Variants in MDGA2 observed in about 807,000 individuals in gnomAD.
MDGA2 encodes MAM domain containing glycosylphosphatidylinositol anchor 2.
MDGA2 carries 40 observed loss-of-function variants against 117.8 expected under a neutral mutation model. The ratio of observed to expected loss-of-function variants is 0.34; its 90% confidence interval spans 0.26 to 0.44. The LOEUF is 0.44. Ranked by LOEUF, MDGA2 falls within the 20% of genes least tolerant of loss-of-function variation. The pLI is 1.00. For missense variants in MDGA2, 1,123 were observed against 1,250.6 expected (o/e 0.90, Z 1.54); for synonymous variants, 452 against 439.0 (o/e 1.03, Z -0.37).
chr14:46,979,525 A>G (rs904106382), intron 8 of MDGA2, among the ~76,000 whole-genome samples: 2 of 152,184 alleles, frequency 1.3e-5, no homozygotes, highest in African/African-American at 2.4e-5. Context: ...GAAAGCAAAG[A>G]AAAAGTTCAT....
intron 1 of MDGA2, among the ~76,000 whole-genome samples, chr14:47,399,696 T>C (rs1319536525): frequency 6.6e-6 from 1 of 152,154 alleles, no homozygotes; most frequent in Non-Finnish European, 1.5e-5. Context: ...TGCTCAATAA[T>C]TGATTTTTTA....
At chr14:47,600,671 T>A (rs908944637) in intron 1 of MDGA2, among the ~76,000 whole-genome samples, 1 of 151,352 alleles carries the variant, frequency 6.6e-6, no homozygotes, top group Non-Finnish European at 1.5e-5. Flanking sequence ...CCAACCTCAG[T>A]CATCCTTGTC....
intron 8 of MDGA2, among the ~76,000 whole-genome samples, chr14:47,030,326 C>G (rs1367920134): frequency 6.6e-6 from 1 of 151,846 alleles, no homozygotes; most frequent in Non-Finnish European, 1.5e-5. Flanking sequence ...ACTAGCCTGA[C>G]CAAAATGGAG....
intron 1 of MDGA2, among the ~76,000 whole-genome samples, chr14:47,591,766 A>T (rs1896444018): frequency 6.6e-6 from 1 of 152,170 alleles, no homozygotes; most frequent in African/African-American, 2.4e-5. Context: ...TAAACTAGGC[A>T]TTGATGTAAC....
At chr14:47,142,905 C>T (rs980396087) in intron 4 of MDGA2, among the ~76,000 whole-genome samples, 2 of 152,048 alleles carry the variant, frequency 1.3e-5, no homozygotes, top group African/African-American at 4.8e-5. Flanking sequence ...TGTTCTATAC[C>T]TTTTAAAAAA....
intron 3 of MDGA2, among the ~76,000 whole-genome samples, chr14:47,190,650 T>C (rs1185905460): frequency 6.6e-6 from 1 of 152,184 alleles, no homozygotes; most frequent in Non-Finnish European, 1.5e-5. Context: ...TTTAGTCTCA[T>C]AATGTTCAGA....
At chr14:46,872,551 C>T (rs1379579648) in intron 14 of MDGA2, among the ~76,000 whole-genome samples, 2 of 151,898 alleles carry the variant, frequency 1.3e-5, no homozygotes, top group African/African-American at 2.4e-5. Context: ...GAGATTATAT[C>T]ACTTATATCA....
At chr14:46,942,539 C>A (rs1885036037) in intron 9 of MDGA2, among the ~76,000 whole-genome samples, 1 of 151,970 alleles carries the variant, frequency 6.6e-6, no homozygotes, top group African/African-American at 2.4e-5. Flanking sequence ...CAGAAAGTTA[C>A]CTCCTGCCCC....
At chr14:47,080,421 T>C (rs993981805) in intron 6 of MDGA2, among the ~76,000 whole-genome samples, 2 of 152,140 alleles carry the variant, frequency 1.3e-5, no homozygotes, top group Admixed American at 6.5e-5. Flanking sequence ...AGAAAACAAA[T>C]CTTGAGATAT....
chr14:47,151,022 T>C (rs980653789), intron 3 of MDGA2, among the ~76,000 whole-genome samples: 5 of 151,710 alleles, frequency 3.3e-5, no homozygotes, highest in African/African-American at 4.8e-5. Context: ...GATCCACCTC[T>C]AAAATTCCAT....
chr14:47,551,081 GAT>G (rs1157720080), intron 1 of MDGA2, among the ~76,000 whole-genome samples: 4 of 152,020 alleles, frequency 2.6e-5, no homozygotes, highest in African/African-American at 4.8e-5. Context: ...AAATGAGAAA[GAT>G]ATGTGTAATA....
At chr14:47,375,530 G>A (rs1157690085) in intron 1 of MDGA2, among the ~76,000 whole-genome samples, 1 of 151,516 alleles carries the variant, frequency 6.6e-6, no homozygotes, top group African/African-American at 2.4e-5. Context: ...ATTTTCTAAT[G>A]TCAGACCTTA....
chr14:47,329,682 T>TAAAATTTTATAA (rs1890240402), intron 1 of MDGA2, among the ~76,000 whole-genome samples: 8 of 152,090 alleles, frequency 5.3e-5, no homozygotes, highest in African/African-American at 1.9e-4. Context: ...AAGTCTCAAA[T>TAAAATTTTATAA]TTTTATAATA....
At chr14:47,634,732 A>T (rs572024553) in intron 1 of MDGA2, among the ~76,000 whole-genome samples, 1 of 152,184 alleles carries the variant, frequency 6.6e-6, no homozygotes, top group African/African-American at 2.4e-5. Flanking sequence ...CTTGAGCCCC[A>T]GTTCATATAG....
At chr14:47,230,281 C>T (rs1234662683) in intron 2 of MDGA2, among the ~76,000 whole-genome samples, 1 of 151,892 alleles carries the variant, frequency 6.6e-6, no homozygotes, top group African/African-American at 2.4e-5. Flanking sequence ...AATTATACAA[C>T]AGCACAATTA....
intron 5 of MDGA2, among the ~76,000 whole-genome samples, chr14:47,101,187 A>G (rs1006675067): frequency 5.9e-5 from 9 of 152,148 alleles, no homozygotes; most frequent in African/African-American, 2.2e-4. Context: ...CAAGAAAATA[A>G]GAGAAGAGAG....
chr14:47,643,772 A>T (rs1897472868), intron 1 of MDGA2, among the ~76,000 whole-genome samples: 1 of 152,152 alleles, frequency 6.6e-6, no homozygotes, highest in African/African-American at 2.4e-5. Context: ...TGCAAAGATA[A>T]ATTTAGGAAC....
chr14:47,589,075 TC>T (rs1566529297), intron 1 of MDGA2, among the ~76,000 whole-genome samples: 1 of 151,934 alleles, frequency 6.6e-6, no homozygotes, highest in Non-Finnish European at 1.5e-5. Flanking sequence ...AAGGATTATC[TC>T]CCCATGTTGA....
chr14:47,302,127 C>T (rs1889305188), intron 1 of MDGA2, among the ~76,000 whole-genome samples: 1 of 152,136 alleles, frequency 6.6e-6, no homozygotes, highest in South Asian at 2.1e-4. Flanking sequence ...TGGAAGAAGA[C>T]AATATACCAT....
Sources: gnomAD v4.1 joint callset for allele counts (sites outside exome capture counted in the v4.1 genomes callset) on GRCh38, gnomAD v4.1.1 for gene constraint, MANE v1.5 for transcripts, NCBI Gene and HGNC (gene_info 2026-07-23, HGNC 2026-07-21) for gene names.